PCSK5: variants seen among roughly 807,000 people sequenced by gnomAD.
PCSK5 encodes the protein prohormone convertase 5.
In PCSK5, 129 loss-of-function variants were observed where a neutral mutation model predicts 233.2. The observed-to-expected ratio is 0.55, with a 90% CI of 0.48 to 0.64. The LOEUF (loss-of-function observed/expected upper bound fraction) is 0.64, where lower values mean the gene tolerates loss of function less well. Among genes scored for constraint, PCSK5 ranks in the 30% least tolerant of loss-of-function variants. PCSK5 has a pLI of 0.00. For synonymous variants in PCSK5, 825 were observed against 879.2 expected, an observed-to-expected ratio of 0.94 and a Z score of 1.09; for missense variants, 2,076 against 2,430.1, an observed-to-expected ratio of 0.85 and a Z score of 3.06.
chr9:76,334,774 C>T (rs1248156757), intron 34 of PCSK5, among the ~76,000 whole-genome samples: 1 of 151,958 alleles, frequency 6.6e-6, no homozygotes, highest in Non-Finnish European at 1.5e-5. Flanking sequence ...AAGGGCCCTG[C>T]CAGACAAGAA....
At chr9:76,014,895 CCTGTATTAT>C (rs1366056296) in intron 3 of PCSK5, among the ~76,000 whole-genome samples, 3 of 152,030 alleles carry the variant, frequency 2.0e-5, no homozygotes, top group Non-Finnish European at 4.4e-5. Context: ...ACCTTCATTA[CCTGTATTAT>C]ATATATTACC....
chr9:76,174,401 G>C (rs1305082831), intron 13 of PCSK5, among the ~76,000 whole-genome samples: 1 of 151,838 alleles, frequency 6.6e-6, no homozygotes, highest in Non-Finnish European at 1.5e-5. Flanking sequence ...CCGCCTCCCA[G>C]GTTCAAGGGA....
At position 76,328,009 on chromosome 9, in the gene PCSK5, A is replaced by T; in HGVS notation, c.4340A>T (p.Asp1447Val). Residue 1447 changes from aspartate to valine, a missense_variant and splice_region_variant, in exon 33 of 38, where the codon GAT becomes GTT. Asp to Val is a radical substitution (Grantham distance 152, BLOSUM62 -3). Transcript: ENST00000674117. ...YYEKETKECRDCHKSCLTCSS... is the reference protein window; with the variant it reads ...YYEKETKECRVCHKSCLTCSS... Reference sequence around the variant, plus strand: ...GTCTGCTGCCCCTCCACGCCCACAGATTGCCACAAGTCCTGCTTGACCTGC... The same window carrying T: ...GTCTGCTGCCCCTCCACGCCCACAGTTTGCCACAAGTCCTGCTTGACCTGC... 6.2e-7 allele frequency: 1 copy of T among 1,607,066 alleles called. No homozygotes were observed. Among genetic ancestry groups the T allele is most frequent in the African/African-American group, 1.3e-5 (1 of 74,848 alleles).
chr9:76,111,194 A>G (rs1316634062), intron 9 of PCSK5, among the ~76,000 whole-genome samples: 2 of 152,216 alleles, frequency 1.3e-5, no homozygotes, highest in Non-Finnish European at 2.9e-5. Context: ...CTTTTTCTAC[A>G]GAATGTATAA....
chr9:75,973,753 A>G (rs1825898344), intron 2 of PCSK5, among the ~76,000 whole-genome samples: 1 of 152,186 alleles, frequency 6.6e-6, no homozygotes, highest in South Asian at 2.1e-4. Flanking sequence ...GCCCTTCCTC[A>G]AGTCACCGAT....
At chr9:76,042,112 T>C (rs1829146550) in intron 5 of PCSK5, among the ~76,000 whole-genome samples, 1 of 152,252 alleles carries the variant, frequency 6.6e-6, no homozygotes, top group East Asian at 1.9e-4. Context: ...AGCTGAGTTT[T>C]GCTACATCCC....
At chr9:76,248,095 T>A (rs2015114) in intron 24 of PCSK5, among the ~76,000 whole-genome samples, 58,860 of 151,570 alleles carry the variant, frequency 0.39, 11,636 homozygotes, top group Non-Finnish European at 0.42. Context: ...TAATCTTTTT[T>A]AAAAAAATTT....
intron 3 of PCSK5, among the ~76,000 whole-genome samples, chr9:76,023,128 A>G (rs1041459662): frequency 2.0e-5 from 3 of 152,238 alleles, no homozygotes; most frequent in Non-Finnish European, 4.4e-5. Context: ...TTTGTATGTC[A>G]TTAAAACATG....
At chr9:76,136,121 G>A (rs1822964011) in intron 10 of PCSK5, among the ~76,000 whole-genome samples, 1 of 151,926 alleles carries the variant, frequency 6.6e-6, no homozygotes, top group Non-Finnish European at 1.5e-5. Context: ...CTTTTTCACA[G>A]ATGAATTATT....
Position 75,898,888 on chromosome 9 carries a change from T to C in PCSK5, c.192+7515T>C, listed in dbSNP as rs896935975. 1.5e-4 allele frequency among the ~76,000 whole-genome samples: 23 copies of C among 152,358 alleles called. No individual in the cohort carries two copies. In the Middle Eastern group the frequency reaches 0.014, roughly 90 times the overall value. Reference sequence around the variant, plus strand: ...TGAGAAGCTAGAACATTTTCACCTATAATTATCATTTAGTAAGACAAATAG... The same window carrying C: ...TGAGAAGCTAGAACATTTTCACCTACAATTATCATTTAGTAAGACAAATAG... On this transcript the variant is annotated intron_variant, in intron 1 of 37. Transcript: ENST00000674117.
rs913258669 is a variant in PCSK5, at chr9:76,075,718, A to G, written c.894+3820A>G. On this transcript the variant is annotated intron_variant, in intron 7 of 37. Transcript: ENST00000674117. ...TATTTAAGGAATGAAGAAATAAATGACTGATAAAATAATTCCTTCAGTTAG... is the reference window on the plus strand; with the variant it reads ...TATTTAAGGAATGAAGAAATAAATGGCTGATAAAATAATTCCTTCAGTTAG... 3.3e-5 allele frequency among the ~76,000 whole-genome samples: 5 copies of G among 152,234 alleles called. No individual in the cohort carries two copies. In the East Asian group the frequency reaches 5.8e-4, roughly 18 times the overall value.
intron 32 of PCSK5, among the ~76,000 whole-genome samples, chr9:76,324,614 C>A (rs567833494): frequency 6.6e-6 from 1 of 152,174 alleles, no homozygotes; most frequent in East Asian, 1.9e-4. Context: ...CATTTCCACT[C>A]CCACTCAGTC....
At chr9:76,290,614 T>G (rs1297394040) in intron 24 of PCSK5, among the ~76,000 whole-genome samples, 1 of 152,178 alleles carries the variant, frequency 6.6e-6, no homozygotes, top group Non-Finnish European at 1.5e-5. Context: ...TAAGAGGAAC[T>G]CTGAAACCAG....
chr9:76,220,578 C>G, intron 20 of PCSK5, among the ~76,000 whole-genome samples: 1 of 150,870 alleles, frequency 6.6e-6, no homozygotes, highest in African/African-American at 2.4e-5. Flanking sequence ...TCCATCCCAC[C>G]CCCAAACCCC....
chr9:76,189,861 C>G (rs1333091415), intron 20 of PCSK5, 115 bp downstream of exon 20: 1 of 599,122 alleles, frequency 1.7e-6, no homozygotes, highest in African/African-American at 1.9e-5. Context: ...ATATGACATG[C>G]TCAATATTTT....
chr9:76,093,878 TGA>T (rs1831401580), intron 7 of PCSK5, among the ~76,000 whole-genome samples: 2 of 152,340 alleles, frequency 1.3e-5, no homozygotes, highest in African/African-American at 4.8e-5. Flanking sequence ...TTTCTCAGTC[TGA>T]CCACCCTCAC....
chr9:76,168,749 T>TG (rs1823197899), intron 12 of PCSK5, among the ~76,000 whole-genome samples: 1 of 152,190 alleles, frequency 6.6e-6, no homozygotes, highest in African/African-American at 2.4e-5. Flanking sequence ...AAATTCAGTT[T>TG]TTTATGTGAA....
At chr9:76,091,033 C>A (rs149593883) in intron 7 of PCSK5, among the ~76,000 whole-genome samples, 4 of 152,032 alleles carry the variant, frequency 2.6e-5, no homozygotes, top group Non-Finnish European at 5.9e-5. Flanking sequence ...AGAGCTCAGG[C>A]GGTAAGAGAG....
chr9:76,219,913 C>T (rs1282836882), intron 20 of PCSK5, among the ~76,000 whole-genome samples: 1 of 152,176 alleles, frequency 6.6e-6, no homozygotes, highest in Non-Finnish European at 1.5e-5. Flanking sequence ...TAGATATCGC[C>T]TCACCGTGAA....
Sources: gnomAD v4.1 joint callset for allele counts (sites outside exome capture counted in the v4.1 genomes callset) on GRCh38, gnomAD v4.1.1 for gene constraint, MANE v1.5 for transcripts, NCBI Gene and HGNC (gene_info 2026-07-23, HGNC 2026-07-21) for gene names.